The following COMMD6 variants were observed in gnomAD, a reference collection of about 807,000 sequenced individuals.
COMMD6 encodes COMM domain containing 6.
A neutral mutation model predicts 13.4 loss-of-function variants in COMMD6; 11 were observed. That is an observed-to-expected ratio of 0.82 (90% confidence interval 0.52 to 1.36). The LOEUF (loss-of-function observed/expected upper bound fraction) is 1.36. Ranked by LOEUF, COMMD6 falls within the 40% of genes most tolerant of loss-of-function variation. The pLI is 0.00. For missense variants in COMMD6, 124 were observed against 102.4 expected, an observed-to-expected ratio of 1.21 and a Z score of -0.91; for synonymous variants, 43 against 36.5, an observed-to-expected ratio of 1.18 and a Z score of -0.64.
In COMMD6 at chr13:75,530,281, G is replaced by A. The variant is rs1354480939; in HGVS notation, c.55-15C>T. On this transcript the variant is annotated splice_polypyrimidine_tract_variant and intron_variant, in intron 2 of 3. Coordinates refer to ENST00000682242, the MANE Select transcript of COMMD6 (RefSeq NM_203495.4). Reference sequence around the variant, plus strand: ...AAATCTACAAGCTTTAATAAGACAGGACAAAATAATACATTAGTAGTAACA... The same window carrying A: ...AAATCTACAAGCTTTAATAAGACAGAACAAAATAATACATTAGTAGTAACA... 1 of 1,594,772 alleles carries A rather than the reference G, an allele frequency of 6.3e-7. No individual in the cohort carries two copies. Among genetic ancestry groups the A allele is most frequent in the Non-Finnish European group, 8.6e-7 (1 of 1,169,190 alleles).
intron 1 of COMMD6, among the ~76,000 whole-genome samples, chr13:75,547,915 G>C (rs181705123): frequency 6.6e-6 from 1 of 152,324 alleles, no homozygotes; most frequent in East Asian, 1.9e-4. Flanking sequence ...ACATTTATTG[G>C]GTGGTATGGA....
chr13:75,537,551 C>A (rs2030716094), intron 2 of COMMD6, 113 bp downstream of exon 2: 1 of 1,560,554 alleles, frequency 6.4e-7, no homozygotes, highest in South Asian at 1.2e-5. Flanking sequence ...CTGAAGGTCA[C>A]CGGCTCGCGG....
intron 2 of COMMD6, among the ~76,000 whole-genome samples, chr13:75,534,160 C>A (rs1214160948): frequency 1.3e-5 from 2 of 152,094 alleles, no homozygotes; most frequent in African/African-American, 2.4e-5. Context: ...TTAGCCTGTA[C>A]AACTCCTTGA....
upstream of COMMD6, among the ~76,000 whole-genome samples, chr13:75,541,606 G>T (rs1238097843): frequency 1.3e-5 from 2 of 151,948 alleles, no homozygotes; most frequent in Non-Finnish European, 2.9e-5. Flanking sequence ...CATGTTGCCT[G>T]CTGTGTTCAT....
intron 2 of COMMD6, 76 bp from the exon 3 acceptor site, chr13:75,530,342 C>T: frequency 2.6e-6 from 3 of 1,174,846 alleles, no homozygotes; most frequent in South Asian, 1.5e-5. Flanking sequence ...AATTTTACTG[C>T]AGTTACACTC....
At position 75,532,953 on chromosome 13, in the gene COMMD6, T is replaced by C. The variant is rs889599380; in HGVS notation, c.55-2687A>G. Among the ~76,000 whole-genome samples the C allele has an allele frequency of 2.0e-4, 30 of 149,894 alleles. 1 individual carries two copies. The East Asian group carries it at 2.2e-3, about 11-fold the overall frequency. On this transcript the variant is annotated intron_variant, in intron 2 of 3. Coordinates refer to ENST00000682242, the MANE Select transcript of COMMD6 (RefSeq NM_203495.4). ...GTTTTGTTTTTTTTTTTTTTTGAGA[T>C]GGAGTCTCGCTCTGTTGCTCAGGCT... is the stretch of plus-strand genomic sequence containing the variant.
At chr13:75,539,512 G>A (rs2030789536), upstream of COMMD6, among the ~76,000 whole-genome samples, 1 of 152,148 alleles carries the variant, frequency 6.6e-6, no homozygotes, top group African/African-American at 2.4e-5. Flanking sequence ...CTCCCAAAGT[G>A]CTGGGATTAC....
intron 1 of COMMD6, among the ~76,000 whole-genome samples, chr13:75,547,440 G>A (rs1057294567): frequency 2.0e-5 from 3 of 152,176 alleles, no homozygotes; most frequent in Non-Finnish European, 4.4e-5. Flanking sequence ...AAATAATGAG[G>A]ATGGACAGAA....
chr13:75,526,127 C>T lies in COMMD6; in HGVS notation c.*462G>A, dbSNP rs1475752749. The stretch of plus-strand genomic sequence containing the variant: ...AAAAGAAGCCTCACTCTTCTGATTG[C>T]CATTATAATAAGTGATGGCTATACT... On this transcript the variant is annotated 3_prime_UTR_variant, in exon 4 of 4. Coordinates refer to ENST00000682242, the MANE Select transcript of COMMD6 (RefSeq NM_203495.4). 6.6e-6 allele frequency: 1 copy of T among 152,274 alleles called. No individual in the cohort carries two copies. Among genetic ancestry groups the T allele is most frequent in the Non-Finnish European group, 1.5e-5 (1 of 68,134 alleles). The allele number at this position is 152,274 out of a possible 1,614,324, so 9.4% of individuals were successfully genotyped here.
upstream of COMMD6, among the ~76,000 whole-genome samples, chr13:75,540,343 C>CA (rs1555271316): frequency 0.019 from 2,089 of 111,344 alleles, 18 homozygotes; most frequent in East Asian, 0.029. Context: ...CACACACACA[C>CA]CCACACACAC....
chr13:75,541,567 G>C (rs2030824514), upstream of COMMD6, among the ~76,000 whole-genome samples: 1 of 151,882 alleles, frequency 6.6e-6, no homozygotes, highest in South Asian at 2.1e-4. Context: ...ACCAATACGG[G>C]TCTGGAGTGA....
At chr13:75,540,934 ATTTAT>A (rs1479298341), upstream of COMMD6, among the ~76,000 whole-genome samples, 2 of 152,174 alleles carry the variant, frequency 1.3e-5, no homozygotes, top group African/African-American at 4.8e-5. Context: ...CAATTTAAGT[ATTTAT>A]TTTAAGACTT....
intron 2 of COMMD6, chr13:75,537,275 C>A: frequency 6.7e-7 from 1 of 1,502,470 alleles, no homozygotes; most frequent in Non-Finnish European, 9.0e-7. Context: ...CTCTAAAAGG[C>A]TAAAATGCTA....
chr13:75,531,482 TC>T (rs1367030543), intron 2 of COMMD6, among the ~76,000 whole-genome samples: 2 of 151,508 alleles, frequency 1.3e-5, no homozygotes, highest in Non-Finnish European at 2.9e-5. Flanking sequence ...CAGCATTAAG[TC>T]CAAGCTAGTG....
chr13:75,548,978 C>G (rs754110303), intron 1 of COMMD6, among the ~76,000 whole-genome samples: 1 of 152,222 alleles, frequency 6.6e-6, no homozygotes, highest in African/African-American at 2.4e-5. Flanking sequence ...GCACCTTCCT[C>G]TCTGCCTAGG....
chr13:75,546,765 G>A (rs2030910713), intron 1 of COMMD6, among the ~76,000 whole-genome samples: 1 of 152,200 alleles, frequency 6.6e-6, no homozygotes, highest in Non-Finnish European at 1.5e-5. Context: ...ATTGAAAACT[G>A]TAAAATATTT....
chr13:75,526,595 C>T lies in COMMD6; in HGVS notation c.252G>A (p.Thr84=), dbSNP rs750326849. ...QFKEIAAVIE[T]V ...TCAACCAAAGAATCCGTCTTCACACCGTTTCAATAACTGCAGCAATTTCCT... is the reference window on the plus strand; with the variant it reads ...TCAACCAAAGAATCCGTCTTCACACTGTTTCAATAACTGCAGCAATTTCCT... The change falls in exon 4 of 4, where the codon ACG becomes ACA. Residue 84 remains threonine (T), a synonymous_variant. Coordinates refer to ENST00000682242, the MANE Select transcript of COMMD6 (RefSeq NM_203495.4). 1.0e-5 allele frequency: 16 copies of T among 1,602,906 alleles called. No homozygotes were observed. Among genetic ancestry groups the T allele is most frequent in the African/African-American group, 1.3e-5 (1 of 74,586 alleles).
At chr13:75,542,777 T>A (rs747850870), upstream of COMMD6, among the ~76,000 whole-genome samples, 6 of 152,142 alleles carry the variant, frequency 3.9e-5, no homozygotes, top group Non-Finnish European at 8.8e-5. Flanking sequence ...GGAGTTAGAG[T>A]CAGAGACAGA....
At chr13:75,530,507 GAAA>G in intron 2 of COMMD6, 1 of 262,694 alleles carries the variant, frequency 3.8e-6, no homozygotes, top group Non-Finnish European at 7.0e-6. Flanking sequence ...AACAAAAAGT[GAAA>G]AAAAAAAATC....
Sources: gnomAD v4.1 joint callset for allele counts (sites outside exome capture counted in the v4.1 genomes callset) on GRCh38, gnomAD v4.1.1 for gene constraint, MANE v1.5 for transcripts, NCBI Gene and HGNC (gene_info 2026-07-23, HGNC 2026-07-21) for gene names.